Variants in BMP6 observed in about 807,000 individuals in gnomAD.
BMP6 encodes VG-1-R.
In BMP6, 17 loss-of-function variants were observed where a neutral mutation model predicts 54.1. That is an observed-to-expected ratio of 0.31 (90% CI 0.22 to 0.47). The LOEUF (loss-of-function observed/expected upper bound fraction) is 0.47. BMP6 is among the 20% of genes least tolerant of loss of function. The pLI is 1.00. For synonymous variants in BMP6, 328 were observed against 291.2 expected (o/e 1.13, Z -1.28); for missense variants, 720 against 690.4 (o/e 1.04, Z -0.48).
At chr6:7,853,472 ATC>A (rs1304984807) in intron 2 of BMP6, among the ~76,000 whole-genome samples, 1 of 152,166 alleles carries the variant, frequency 6.6e-6, no homozygotes, top group Non-Finnish European at 1.5e-5. Context: ...GCTCTATAAA[ATC>A]TGTTGGATTT....
chr6:7,763,440 C>T (rs1371600908), intron 1 of BMP6, among the ~76,000 whole-genome samples: 2 of 152,170 alleles, frequency 1.3e-5, no homozygotes, highest in Admixed American at 6.5e-5. Flanking sequence ...TATTTTTCTA[C>T]ACAGAAAAAC....
intron 2 of BMP6, among the ~76,000 whole-genome samples, chr6:7,853,593 C>T (rs115055661): frequency 0.015 from 2,248 of 152,252 alleles, 61 homozygotes; most frequent in African/African-American, 0.052. Flanking sequence ...GATGGGAGAA[C>T]ACTATATTAT....
chr6:7,868,445 T>C (rs182741314), intron 4 of BMP6, among the ~76,000 whole-genome samples: 2 of 152,326 alleles, frequency 1.3e-5, no homozygotes, highest in African/African-American at 4.8e-5. Flanking sequence ...AATGGCTGTA[T>C]TGATTCTGCT....
chr6:7,737,076 C>A (rs911586487), intron 1 of BMP6, among the ~76,000 whole-genome samples: 3 of 152,046 alleles, frequency 2.0e-5, no homozygotes, highest in African/African-American at 7.2e-5. Context: ...ATCCCAGCTA[C>A]TTGGGAGGCT....
At chr6:7,836,106 G>T (rs1010806076) in intron 1 of BMP6, among the ~76,000 whole-genome samples, 9 of 152,016 alleles carry the variant, frequency 5.9e-5, no homozygotes, top group Non-Finnish European at 7.4e-5. Context: ...CCAAAGTGCT[G>T]GAATTACCCG....
intron 1 of BMP6, among the ~76,000 whole-genome samples, chr6:7,727,836 C>A: frequency 6.6e-6 from 1 of 151,432 alleles, no homozygotes; most frequent in Admixed American, 6.6e-5. Flanking sequence ...CGCGCCGAGG[C>A]CCCCAGAGGC....
At chr6:7,868,635 A>G (rs1026648139) in intron 4 of BMP6, among the ~76,000 whole-genome samples, 10 of 152,246 alleles carry the variant, frequency 6.6e-5, no homozygotes, top group Non-Finnish European at 1.2e-4. Flanking sequence ...TCCCTCTAAA[A>G]AACAAGTTTC....
At chr6:7,788,323 A>G (rs1284461662) in intron 1 of BMP6, among the ~76,000 whole-genome samples, 3 of 152,194 alleles carry the variant, frequency 2.0e-5, no homozygotes, top group Non-Finnish European at 2.9e-5. Context: ...TCCTGTATGG[A>G]AAGAACTGGG....
intron 1 of BMP6, among the ~76,000 whole-genome samples, chr6:7,750,081 T>A (rs910229858): frequency 6.6e-6 from 1 of 152,206 alleles, no homozygotes; most frequent in South Asian, 2.1e-4. Context: ...GTGGGTGCCA[T>A]GAACCCTGAG....
At chr6:7,748,063 C>T (rs1561758610) in intron 1 of BMP6, among the ~76,000 whole-genome samples, 1 of 152,122 alleles carries the variant, frequency 6.6e-6, no homozygotes, top group Non-Finnish European at 1.5e-5. Flanking sequence ...GCTTTGTTCC[C>T]TTGGAACCTT....
At chr6:7,741,057 C>T (rs2113116782) in intron 1 of BMP6, among the ~76,000 whole-genome samples, 1 of 152,216 alleles carries the variant, frequency 6.6e-6, no homozygotes, top group South Asian at 2.1e-4. Context: ...TTTCCATATG[C>T]TGTTATCCAG....
In BMP6 at chr6:7,880,622, C is replaced by T. The variant is rs561521425; in HGVS notation, c.*279C>T. 2 of 452,498 alleles carry T rather than the reference C, an allele frequency of 4.4e-6. No homozygotes were observed. The highest frequency in any genetic ancestry group is 3.8e-5 in the East Asian group (1 of 26,152). 28.0% of individuals were successfully genotyped at this position (452,498 alleles called of 1,614,324 possible). A position where few individuals can be genotyped will look rare whatever the true frequency, so the allele number is the denominator to read the frequency against. On this transcript the variant is annotated 3_prime_UTR_variant, in exon 7 of 7. Coordinates refer to ENST00000283147, the MANE Select transcript of BMP6 (RefSeq NM_001718.6). ...AACATAACCGTGAAGCTCTTCCTAC[C>T]CTCCTCCCCCAAAAACCCACCAAAA...
intron 1 of BMP6, among the ~76,000 whole-genome samples, chr6:7,745,245 G>A (rs551398106): frequency 1.3e-5 from 2 of 152,324 alleles, no homozygotes; most frequent in African/African-American, 2.4e-5. Context: ...TGCAGTGACA[G>A]TGTGTCTCTA....
intron 1 of BMP6, among the ~76,000 whole-genome samples, chr6:7,825,106 C>T (rs929813562): frequency 6.6e-6 from 1 of 152,142 alleles, no homozygotes; most frequent in African/African-American, 2.4e-5. Flanking sequence ...TGCTTGAGGC[C>T]AGGAGTTCGA....
intron 1 of BMP6, among the ~76,000 whole-genome samples, chr6:7,831,926 G>A (rs1251907282): frequency 6.6e-5 from 10 of 152,284 alleles, no homozygotes; most frequent in Non-Finnish European, 7.3e-5. Context: ...TGGCTCACAC[G>A]TGCATTCAAC....
chr6:7,855,749 G>A (rs921503359), intron 2 of BMP6, among the ~76,000 whole-genome samples: 1 of 151,174 alleles, frequency 6.6e-6, no homozygotes, highest in South Asian at 2.1e-4. Context: ...GTCTGGTCTC[G>A]AACCCCTGGG....
At chr6:7,742,215 G>T (rs1213553158) in intron 1 of BMP6, among the ~76,000 whole-genome samples, 1 of 152,190 alleles carries the variant, frequency 6.6e-6, no homozygotes, top group Non-Finnish European at 1.5e-5. Context: ...TTTTTTTAAA[G>T]GCTTTGGGAA....
At chr6:7,784,181 G>A (rs1388655813) in intron 1 of BMP6, among the ~76,000 whole-genome samples, 1 of 152,052 alleles carries the variant, frequency 6.6e-6, no homozygotes, top group African/African-American at 2.4e-5. Context: ...ATTTCACATA[G>A]GAACCAAAAA....
At chr6:7,755,243 C>A (rs1196997730) in intron 1 of BMP6, among the ~76,000 whole-genome samples, 1 of 151,582 alleles carries the variant, frequency 6.6e-6, no homozygotes, top group Non-Finnish European at 1.5e-5. Flanking sequence ...TTTGTCCCAT[C>A]TGTTCTTTGT....
Sources: gnomAD v4.1 joint callset for allele counts (sites outside exome capture counted in the v4.1 genomes callset) on GRCh38, gnomAD v4.1.1 for gene constraint, MANE v1.5 for transcripts, NCBI Gene and HGNC (gene_info 2026-07-23, HGNC 2026-07-21) for gene names.